CNTRL: variants seen among roughly 807,000 people sequenced by gnomAD.
CNTRL encodes centriolin.
In CNTRL, 233 loss-of-function variants were observed where a neutral mutation model predicts 303.7. That is an observed-to-expected ratio of 0.77 (90% CI 0.69 to 0.86). The LOEUF is 0.86. CNTRL is among the 40% of genes least tolerant of loss of function. The probability of loss-of-function intolerance (pLI) is 0.00; values close to 1 mark genes in which losing one functional copy is unlikely to be tolerated. For missense variants in CNTRL, 2,524 were observed against 2,650.6 expected (o/e 0.95, Z 1.05); for synonymous variants, 900 against 922.2 (o/e 0.98, Z 0.44).
At chr9:121,099,906 A>G (rs2049067475) in intron 7 of CNTRL, among the ~76,000 whole-genome samples, 1 of 152,210 alleles carries the variant, frequency 6.6e-6, no homozygotes, top group African/African-American at 2.4e-5. Flanking sequence ...ATATGGGACT[A>G]TGTGAAAAGA....
At chr9:121,116,383 T>TA (rs200186661) in intron 11 of CNTRL, among the ~76,000 whole-genome samples, 5 of 137,704 alleles carry the variant, frequency 3.6e-5, no homozygotes, top group Admixed American at 7.6e-5. Context: ...ATTTTTTATT[T>TA]TTATTTTTTT....
intron 16 of CNTRL, among the ~76,000 whole-genome samples, chr9:121,139,295 A>G (rs1397981480): frequency 6.6e-6 from 1 of 152,206 alleles, no homozygotes. Context: ...TGAACAAACA[A>G]GTACCTGAAT....
At chr9:121,108,219 T>C (rs545106262) in intron 8 of CNTRL, among the ~76,000 whole-genome samples, 1 of 152,350 alleles carries the variant, frequency 6.6e-6, no homozygotes, top group South Asian at 2.1e-4. Flanking sequence ...TAGATATTTG[T>C]ATTTTTTAAA....
At chr9:121,114,231 T>G (rs1204764594) in intron 10 of CNTRL, among the ~76,000 whole-genome samples, 1 of 152,176 alleles carries the variant, frequency 6.6e-6, no homozygotes, top group Non-Finnish European at 1.5e-5. Context: ...CATAAAGGAA[T>G]AAGTCAAGGC....
intron 26 of CNTRL, among the ~76,000 whole-genome samples, chr9:121,153,222 C>A (rs184128538): frequency 2.0e-5 from 3 of 152,196 alleles, no homozygotes; most frequent in African/African-American, 7.2e-5. Context: ...TCTTGGTCTA[C>A]GCTGTATCTT....
intron 7 of CNTRL, among the ~76,000 whole-genome samples, chr9:121,099,299 T>C (rs1389315926): frequency 1.3e-5 from 2 of 151,982 alleles, no homozygotes; most frequent in East Asian, 3.9e-4. Context: ...GGGTCTGGAG[T>C]GGACCTCCAG....
At chr9:121,164,355 A>G (rs1314834787) in intron 34 of CNTRL, among the ~76,000 whole-genome samples, 1 of 152,248 alleles carries the variant, frequency 6.6e-6, no homozygotes, top group African/African-American at 2.4e-5. Context: ...GCTAATGTTC[A>G]TGACAGCCTT....
intron 12 of CNTRL, chr9:121,121,632 G>C (rs2050228767): frequency 5.8e-6 from 1 of 171,320 alleles, no homozygotes; most frequent in African/African-American, 2.4e-5. Flanking sequence ...GTTCGCTAGA[G>C]GGAACGAGCT....
At chr9:121,146,027 C>G (rs2051831294) in intron 22 of CNTRL, 81 bp from the exon 23 acceptor site, 3 of 1,271,614 alleles carry the variant, frequency 2.4e-6, no homozygotes, top group Non-Finnish European at 3.2e-6. Flanking sequence ...AATTAATTGG[C>G]TCTCTTAGAA....
chr9:121,113,051 A>G (rs1270568489), intron 9 of CNTRL, among the ~76,000 whole-genome samples: 6 of 152,216 alleles, frequency 3.9e-5, no homozygotes, highest in Admixed American at 6.5e-5. Flanking sequence ...ATTCCAACCA[A>G]TATCATATGA....
chr9:121,075,017 T>C lies in CNTRL; in HGVS notation c.-255T>C, dbSNP rs2047853339. The C allele has an allele frequency of 2.2e-6, 1 of 453,518 alleles. No homozygotes were observed. The highest frequency in any genetic ancestry group is 4.4e-6 in the Non-Finnish European group (1 of 225,112). The allele number at this position is 453,518 out of a possible 1,614,324, so 28.1% of individuals were successfully genotyped here. Reference sequence around the variant, plus strand: ...GGGCCCCTGAGGAAAGAGCCCGAACTTCTCCCGCTCTACCTCAGCCTGCGG... The same window carrying C: ...GGGCCCCTGAGGAAAGAGCCCGAACCTCTCCCGCTCTACCTCAGCCTGCGG... On this transcript the variant is annotated 5_prime_UTR_variant, in exon 1 of 44. Transcript: ENST00000373855.
chr9:121,091,915 G>T (rs1329762318), intron 4 of CNTRL, among the ~76,000 whole-genome samples: 1 of 132,326 alleles, frequency 7.6e-6, no homozygotes, highest in East Asian at 2.1e-4. Context: ...TTGAGACAGG[G>T]TCTCACTCTG....
intron 13 of CNTRL, 99 bp from the exon 14 acceptor site, chr9:121,125,617 G>C (rs2050474272): frequency 2.9e-6 from 3 of 1,046,178 alleles, no homozygotes; most frequent in Non-Finnish European, 4.3e-6. Context: ...GGAAAGAATT[G>C]AAAGCTTAGA....
Position 121,075,012 on chromosome 9 carries a change from C to A in CNTRL, c.-260C>A. On this transcript the variant is annotated 5_prime_UTR_variant, in exon 1 of 44. Transcript: ENST00000373855. ...CCGCTGGGCCCCTGAGGAAAGAGCC[C>A]GAACTTCTCCCGCTCTACCTCAGCC... The A allele has an allele frequency of 2.2e-6, 1 of 453,952 alleles. No homozygotes were observed. The allele number at this position is 453,952 out of a possible 1,614,324, so 28.1% of individuals were successfully genotyped here. A position where few individuals can be genotyped will look rare whatever the true frequency, so the allele number is the denominator to read the frequency against.
At chr9:121,087,103 AAAG>A (rs2048372476) in intron 2 of CNTRL, among the ~76,000 whole-genome samples, 1 of 152,182 alleles carries the variant, frequency 6.6e-6, no homozygotes, top group African/African-American at 2.4e-5. Context: ...GTGAAAATGG[AAAG>A]AAGCAGACTT....
At chr9:121,140,450 CTTCAT>C (rs1291710377) in intron 16 of CNTRL, among the ~76,000 whole-genome samples, 186 bp from the exon 17 acceptor site, 1 of 152,188 alleles carries the variant, frequency 6.6e-6, no homozygotes, top group African/African-American at 2.4e-5. Flanking sequence ...ATTCTAAATT[CTTCAT>C]TTCAGTTAAC....
intron 34 of CNTRL, 178 bp downstream of exon 34, chr9:121,162,449 T>C (rs77792825): frequency 1.7e-6 from 1 of 602,656 alleles, no homozygotes; most frequent in Admixed American, 3.0e-5. Context: ...TTTTTTTTTT[T>C]GCTCAAAAGC....
At chr9:121,109,078 T>C (rs1217669837) in intron 8 of CNTRL, among the ~76,000 whole-genome samples, 1 of 152,158 alleles carries the variant, frequency 6.6e-6, no homozygotes, top group Admixed American at 6.6e-5. Flanking sequence ...GATACCAAAA[T>C]CCATGGATGC....
chr9:121,152,699 T>A lies in CNTRL; in HGVS notation c.4172+6T>A. 1 of 1,575,926 alleles carries A rather than the reference T, an allele frequency of 6.3e-7. No homozygotes were observed. The highest frequency in any genetic ancestry group is 8.7e-7 in the Non-Finnish European group (1 of 1,150,980). On this transcript the variant is annotated splice_donor_region_variant and intron_variant, in intron 26 of 43. Transcript: ENST00000373855. ...CAGAAACGTCAACAGCAAAAGTAAT[T>A]AATATATTTTTTATAATTCAGACAA... is the stretch of plus-strand genomic sequence containing the variant.
Sources: allele counts gnomAD v4.1 joint callset (sites outside exome capture counted in the v4.1 genomes callset), GRCh38; gene constraint gnomAD v4.1.1; transcripts MANE v1.5; gene names NCBI Gene and HGNC (gene_info 2026-07-23, HGNC 2026-07-21).